The following TNS3 variants were observed in gnomAD, a reference collection of about 807,000 sequenced individuals.
The protein encoded by TNS3 is tensin-3.
In TNS3, 45 loss-of-function variants were observed where a neutral mutation model predicts 140.9. That is an observed-to-expected ratio of 0.32 (90% CI 0.25 to 0.41). The LOEUF is 0.41. TNS3 is among the 10% of genes least tolerant of loss of function. The probability of loss-of-function intolerance (pLI) is 1.00; values close to 1 mark genes in which losing one functional copy is unlikely to be tolerated. For missense variants in TNS3, 1,716 were observed against 1,906.7 expected, an observed-to-expected ratio of 0.90 and a Z score of 1.86; for synonymous variants, 815 against 788.4, an observed-to-expected ratio of 1.03 and a Z score of -0.56.
intron 1 of TNS3, chr7:47,539,314 G>C (rs1167323946): frequency 5.8e-6 from 2 of 346,490 alleles, no homozygotes; most frequent in Non-Finnish European, 1.1e-5. Context: ...TTATTTAAAA[G>C]AGTAGCCATT....
chr7:47,423,470 T>C (rs1256714363), intron 10 of TNS3, among the ~76,000 whole-genome samples: 1 of 152,172 alleles, frequency 6.6e-6, no homozygotes, highest in Non-Finnish European at 1.5e-5. Flanking sequence ...CTATTCCCCA[T>C]CACTTACTGA....
intron 16 of TNS3, among the ~76,000 whole-genome samples, chr7:47,373,716 A>C (rs1791212397): frequency 6.6e-6 from 1 of 152,162 alleles, no homozygotes; most frequent in Non-Finnish European, 1.5e-5. Flanking sequence ...AGTTTGCTTT[A>C]TTTTGCTCTC....
chr7:47,443,373 A>G (rs1177216301), intron 4 of TNS3, among the ~76,000 whole-genome samples: 1 of 151,870 alleles, frequency 6.6e-6, no homozygotes, highest in Non-Finnish European at 1.5e-5. Flanking sequence ...CCCACCCCTG[A>G]CATCTGAGCT....
At chr7:47,529,187 A>C in intron 1 of TNS3, 40 bp from the exon 2 acceptor site, 3 of 1,090,088 alleles carry the variant, frequency 2.8e-6, no homozygotes, top group Non-Finnish European at 3.6e-6. Context: ...GTTTCATCTC[A>C]TAGTTTGTTT....
chr7:47,415,141 A>G lies in TNS3; in HGVS notation c.539T>C (p.Leu180Pro). 6.2e-7 allele frequency: 1 copy of G among 1,612,486 alleles called. No homozygotes were observed. The highest frequency in any genetic ancestry group is 1.1e-5 in the South Asian group (1 of 90,846). The change falls in exon 11 of 31, where the codon CTG becomes CCG. Residue 180 changes from leucine (L) to proline (P), a missense_variant. Physicochemically the swap from Leu to Pro is moderately conservative, Grantham distance 98 (BLOSUM62 -3). Coordinates refer to ENST00000311160, the MANE Select transcript of TNS3 (RefSeq NM_022748.12). ...SVKMNASPLF[L>P]HFVILHGTPN... ...GGTGCCGTGGAGGATGACAAAATGCAGGAACAGGGGAGAGGCATTCATTTT... is the reference window on the plus strand; with the variant it reads ...GGTGCCGTGGAGGATGACAAAATGCGGGAACAGGGGAGAGGCATTCATTTT...
chr7:47,573,002 G>A (rs542479385), intron 1 of TNS3, among the ~76,000 whole-genome samples: 30 of 152,348 alleles, frequency 2.0e-4, no homozygotes, highest in African/African-American at 7.0e-4. Flanking sequence ...TATGTGGGGA[G>A]TTGCCACCAG....
At chr7:47,387,910 T>C (rs1422952187) in intron 16 of TNS3, among the ~76,000 whole-genome samples, 1 of 152,220 alleles carries the variant, frequency 6.6e-6, no homozygotes, top group Non-Finnish European at 1.5e-5. Flanking sequence ...ACATTTTGGT[T>C]CTGTATATCA....
chr7:47,575,543 C>T (rs1352299112), intron 1 of TNS3, among the ~76,000 whole-genome samples: 3 of 152,004 alleles, frequency 2.0e-5, no homozygotes, highest in Non-Finnish European at 4.4e-5. Flanking sequence ...CGGCCGGGCG[C>T]GGTGGCTCAC....
intron 16 of TNS3, among the ~76,000 whole-genome samples, chr7:47,392,185 T>C (rs1584550739): frequency 7.4e-6 from 1 of 134,958 alleles, no homozygotes. Context: ...ACGACTGCCG[T>C]CCCCCGCAGC....
At chr7:47,397,755 CT>C (rs1483501264) in intron 15 of TNS3, among the ~76,000 whole-genome samples, 1 of 152,214 alleles carries the variant, frequency 6.6e-6, no homozygotes, top group African/African-American at 2.4e-5. Flanking sequence ...TATTGACAAC[CT>C]CATGTCACAC....
intron 16 of TNS3, among the ~76,000 whole-genome samples, chr7:47,386,177 A>G (rs1792058150): frequency 6.6e-6 from 1 of 152,244 alleles, no homozygotes; most frequent in Non-Finnish European, 1.5e-5. Flanking sequence ...AAGAAACACT[A>G]AACACATCTC....
chr7:47,499,537 G>A (rs999913228), intron 3 of TNS3, among the ~76,000 whole-genome samples: 4 of 152,142 alleles, frequency 2.6e-5, no homozygotes, highest in African/African-American at 9.7e-5. Context: ...TTATTCAGCT[G>A]AAAAGAAATG....
intron 20 of TNS3, among the ~76,000 whole-genome samples, chr7:47,317,265 T>C (rs1004947749): frequency 3.3e-5 from 5 of 152,232 alleles, no homozygotes; most frequent in Non-Finnish European, 5.9e-5. Flanking sequence ...CGGGTGACCC[T>C]TTTATGACAT....
chr7:47,431,045 G>A (rs1794906615), intron 8 of TNS3, among the ~76,000 whole-genome samples: 1 of 151,976 alleles, frequency 6.6e-6, no homozygotes, highest in Admixed American at 6.6e-5. Context: ...TCTGACCATA[G>A]TGGTATGAAA....
At chr7:47,415,785 C>T (rs1023406847) in intron 10 of TNS3, among the ~76,000 whole-genome samples, 6 of 152,266 alleles carry the variant, frequency 3.9e-5, no homozygotes, top group Non-Finnish European at 7.3e-5. Context: ...GCTCCAAAGG[C>T]GAAGGCCATG....
intron 16 of TNS3, among the ~76,000 whole-genome samples, chr7:47,372,892 A>G (rs4724567): frequency 0.51 from 77,906 of 152,092 alleles, 21,835 homozygotes; most frequent in Non-Finnish European, 0.65. Context: ...GTACAGGAAA[A>G]GAATATGAAA....
At chr7:47,421,586 T>A (rs1407048785) in intron 10 of TNS3, among the ~76,000 whole-genome samples, 3 of 152,168 alleles carry the variant, frequency 2.0e-5, no homozygotes, top group African/African-American at 7.2e-5. Flanking sequence ...TATTTCTTTT[T>A]AACTACTTCT....
At chr7:47,383,591 A>C (rs529512858) in intron 16 of TNS3, among the ~76,000 whole-genome samples, 1 of 152,362 alleles carries the variant, frequency 6.6e-6, no homozygotes, top group Admixed American at 6.5e-5. Context: ...GAACATTCTC[A>C]GGCTAGAAAC....
At chr7:47,502,187 G>A (rs948286082) in intron 3 of TNS3, among the ~76,000 whole-genome samples, 4 of 152,200 alleles carry the variant, frequency 2.6e-5, no homozygotes, top group African/African-American at 9.6e-5. Context: ...TCACCTCCCT[G>A]GGGTCTCGAG....
Sources: allele counts gnomAD v4.1 joint callset (sites outside exome capture counted in the v4.1 genomes callset), GRCh38; gene constraint gnomAD v4.1.1; transcripts MANE v1.5; gene names NCBI Gene and HGNC (gene_info 2026-07-23, HGNC 2026-07-21).